Variants in CCSER1 observed in about 807,000 individuals in gnomAD.
CCSER1 encodes the protein serine-rich coiled-coil domain-containing protein 1.
CCSER1 carries 41 observed loss-of-function variants against 82.0 expected under a neutral mutation model. That is an observed-to-expected ratio of 0.50 (90% CI 0.39 to 0.65). The LOEUF is 0.65. Ranked by LOEUF, CCSER1 falls within the 30% of genes least tolerant of loss-of-function variation. CCSER1 has a pLI of 0.00. For missense variants in CCSER1, 1,119 were observed against 1,064.2 expected (o/e 1.05, Z -0.72); for synonymous variants, 414 against 383.9 (o/e 1.08, Z -0.92).
intron 10 of CCSER1, among the ~76,000 whole-genome samples, chr4:91,202,289 C>A (rs895907488): frequency 1.3e-5 from 2 of 151,888 alleles, no homozygotes; most frequent in African/African-American, 4.8e-5. Context: ...CCCCCATTTG[C>A]ATGGTGCAAG....
chr4:91,401,694 C>T (rs984956144), intron 10 of CCSER1, among the ~76,000 whole-genome samples: 4 of 152,046 alleles, frequency 2.6e-5, no homozygotes, highest in African/African-American at 7.2e-5. Context: ...ATGATGGTTT[C>T]CAGCTTCATC....
intron 10 of CCSER1, among the ~76,000 whole-genome samples, chr4:91,490,611 G>A (rs1196002484): frequency 6.6e-6 from 1 of 151,406 alleles, no homozygotes; most frequent in East Asian, 2.0e-4. Flanking sequence ...GTATTGGGGT[G>A]GGAGGAAGTA....
At chr4:90,608,304 C>G (rs1200271276) in intron 5 of CCSER1, among the ~76,000 whole-genome samples, 4 of 152,116 alleles carry the variant, frequency 2.6e-5, no homozygotes, top group African/African-American at 9.7e-5. Flanking sequence ...TGACAGAATT[C>G]ATTTCCTGGT....
intron 1 of CCSER1, among the ~76,000 whole-genome samples, chr4:90,251,753 CATTT>C (rs1341869466): frequency 1.3e-5 from 2 of 151,718 alleles, no homozygotes; most frequent in Non-Finnish European, 3.0e-5. Flanking sequence ...GGAATTTCTC[CATTT>C]CTTCTAAGTT....
chr4:90,559,048 G>T (rs1311764997), intron 5 of CCSER1, among the ~76,000 whole-genome samples: 1 of 152,142 alleles, frequency 6.6e-6, no homozygotes, highest in Non-Finnish European at 1.5e-5. Flanking sequence ...CAGGATCCCA[G>T]CCCAGGTCTG....
At chr4:90,208,195 C>T (rs1027223481) in intron 1 of CCSER1, among the ~76,000 whole-genome samples, 15 of 152,144 alleles carry the variant, frequency 9.9e-5, no homozygotes, top group Admixed American at 6.5e-4. Flanking sequence ...AGATGCCCTA[C>T]ACAGAGGGGA....
intron 10 of CCSER1, among the ~76,000 whole-genome samples, chr4:91,562,497 C>A (rs1453783537): frequency 6.6e-6 from 1 of 151,404 alleles, no homozygotes; most frequent in Non-Finnish European, 1.5e-5. Context: ...GCAAACAGAG[C>A]AGCTGTTGTC....
chr4:91,022,157 C>G (rs1361778486), intron 9 of CCSER1, among the ~76,000 whole-genome samples: 1 of 129,208 alleles, frequency 7.7e-6, no homozygotes, highest in Non-Finnish European at 1.6e-5. Context: ...CCCCCTCCCC[C>G]CACCCCACAC....
intron 4 of CCSER1, among the ~76,000 whole-genome samples, chr4:90,418,148 G>C (rs1335671819): frequency 6.6e-6 from 1 of 151,986 alleles, no homozygotes. Context: ...AAATGGGCGC[G>C]ATGATGTATC....
chr4:90,610,036 A>G (rs1785242774), intron 5 of CCSER1, among the ~76,000 whole-genome samples: 1 of 152,048 alleles, frequency 6.6e-6, no homozygotes, highest in Non-Finnish European at 1.5e-5. Flanking sequence ...GTGGATCACG[A>G]GGTCAGGAGA....
chr4:90,154,519 T>C (rs566097341), intron 1 of CCSER1, among the ~76,000 whole-genome samples: 2 of 151,276 alleles, frequency 1.3e-5, no homozygotes, highest in African/African-American at 2.4e-5. Flanking sequence ...GAGCATGGAA[T>C]GTTCTTCCAT....
chr4:90,598,310 G>A (rs1329053332), intron 5 of CCSER1, among the ~76,000 whole-genome samples: 1 of 151,750 alleles, frequency 6.6e-6, no homozygotes, highest in South Asian at 2.1e-4. Context: ...GGGTACATGT[G>A]CACAACGTGC....
intron 10 of CCSER1, among the ~76,000 whole-genome samples, chr4:91,505,978 CTTTTGATGT>C (rs1759462956): frequency 6.6e-6 from 1 of 152,082 alleles, no homozygotes; most frequent in Non-Finnish European, 1.5e-5. Flanking sequence ...GTTGCAATTG[CTTTTGATGT>C]TTTTGTCATG....
At chr4:91,074,997 A>AAG (rs1721822128) in intron 9 of CCSER1, among the ~76,000 whole-genome samples, 2 of 152,154 alleles carry the variant, frequency 1.3e-5, no homozygotes, top group African/African-American at 4.8e-5. Flanking sequence ...TTTACAGGGA[A>AAG]GCAGGAGAAA....
intron 10 of CCSER1, among the ~76,000 whole-genome samples, chr4:91,405,359 G>A (rs1369398435): frequency 2.0e-5 from 3 of 151,994 alleles, no homozygotes; most frequent in Non-Finnish European, 2.9e-5. Flanking sequence ...AAAAACCCTA[G>A]AAGAAAACCT....
chr4:91,314,722 T>A (rs150637591), intron 10 of CCSER1, among the ~76,000 whole-genome samples: 84 of 152,158 alleles, frequency 5.5e-4, no homozygotes, highest in Middle Eastern at 6.8e-3. Flanking sequence ...CTCAAGATAA[T>A]TGACATTTCT....
chr4:90,460,957 A>G (rs576014556), intron 4 of CCSER1, among the ~76,000 whole-genome samples: 1 of 152,084 alleles, frequency 6.6e-6, no homozygotes, highest in South Asian at 2.1e-4. Flanking sequence ...ACTTCAAATA[A>G]TAAGAAGCCC....
chr4:91,513,461 G>A (rs1759934017), intron 10 of CCSER1, among the ~76,000 whole-genome samples: 1 of 152,088 alleles, frequency 6.6e-6, no homozygotes, highest in Non-Finnish European at 1.5e-5. Context: ...TGATATCATA[G>A]TGATGCTGGC....
At chr4:91,576,344 A>G (rs1196677802) in intron 10 of CCSER1, among the ~76,000 whole-genome samples, 1 of 152,050 alleles carries the variant, frequency 6.6e-6, no homozygotes, top group Non-Finnish European at 1.5e-5. Context: ...AAAATCTAAA[A>G]AAAGTCCAAC....
Sources: allele counts gnomAD v4.1 joint callset (sites outside exome capture counted in the v4.1 genomes callset), GRCh38; gene constraint gnomAD v4.1.1; transcripts MANE v1.5; gene names NCBI Gene and HGNC (gene_info 2026-07-23, HGNC 2026-07-21).